PSME4: variants seen among roughly 807,000 people sequenced by gnomAD.
PSME4 encodes proteasome activator complex subunit 4.
PSME4 carries 89 observed loss-of-function variants against 253.9 expected under a neutral mutation model. That is an observed-to-expected ratio of 0.35 (90% CI 0.30 to 0.42). The LOEUF (loss-of-function observed/expected upper bound fraction) is 0.42, where lower values mean the gene tolerates loss of function less well. Among genes scored for constraint, PSME4 ranks in the 10% least tolerant of loss-of-function variants. The pLI is 1.00. For missense variants in PSME4, 2,014 were observed against 2,195.2 expected, an observed-to-expected ratio of 0.92 and a Z score of 1.65; for synonymous variants, 851 against 759.2, an observed-to-expected ratio of 1.12 and a Z score of -1.99.
Position 53,874,622 on chromosome 2 carries a change from C to T in PSME4, c.4945-128G>A, listed in dbSNP as rs1469636571. 5.2e-6 allele frequency: 5 copies of T among 957,492 alleles called. No individual in the cohort carries two copies. The Admixed American group carries it at 1.4e-4, about 27-fold the overall frequency. 59.3% of individuals were successfully genotyped at this position (957,492 alleles called of 1,614,324 possible). A position where few individuals can be genotyped will look rare whatever the true frequency, so the allele number is the denominator to read the frequency against. On this transcript the variant is annotated intron_variant, in intron 42 of 46. Coordinates refer to ENST00000404125, the MANE Select transcript of PSME4 (RefSeq NM_014614.3). ...TCTATTTACACAGGTATAGTTAGGA[C>T]AAGCTCATATTTCGTTATAAATAAA...
chr2:53,902,827 A>T (rs1248291787), intron 27 of PSME4, among the ~76,000 whole-genome samples: 3 of 152,228 alleles, frequency 2.0e-5, no homozygotes, highest in African/African-American at 2.4e-5. Flanking sequence ...AAGAAGTTTT[A>T]AAAAAGCAAG....
chr2:53,939,296 A>G (rs1053834244), intron 4 of PSME4, among the ~76,000 whole-genome samples: 1 of 152,224 alleles, frequency 6.6e-6, no homozygotes, highest in Non-Finnish European at 1.5e-5. Context: ...CATATCATCT[A>G]AACAGTCTTA....
intron 26 of PSME4, among the ~76,000 whole-genome samples, chr2:53,905,663 G>C (rs1466218831): frequency 6.6e-6 from 1 of 152,114 alleles, no homozygotes. Flanking sequence ...CAAGACCTGA[G>C]TTCATGGTGA....
intron 3 of PSME4, among the ~76,000 whole-genome samples, chr2:53,946,526 T>C (rs1208704564): frequency 1.3e-5 from 2 of 152,230 alleles, no homozygotes; most frequent in African/African-American, 4.8e-5. Context: ...GTATAGGTCA[T>C]GGTCCCTGTG....
At chr2:53,921,653 G>A (rs1271246610) in intron 17 of PSME4, among the ~76,000 whole-genome samples, 1 of 143,684 alleles carries the variant, frequency 7.0e-6, no homozygotes, top group Non-Finnish European at 1.5e-5. Context: ...CGGATCACGA[G>A]GTCAGGAGAT....
At position 53,970,751 on chromosome 2, in the gene PSME4, G is replaced by T; in HGVS notation, c.34C>A (p.Pro12Thr). 1 of 1,544,986 alleles carries T rather than the reference G, an allele frequency of 6.5e-7. No homozygotes were observed. The change falls in exon 1 of 47, where the codon CCC becomes ACC. Residue 12 changes from proline (P) to threonine (T), a missense_variant. By Grantham distance (38) the Pro-to-Thr change is conservative (BLOSUM62 -1). Coordinates refer to ENST00000404125, the MANE Select transcript of PSME4 (RefSeq NM_014614.3). ...EPAERAGVGE[P>T]PEPGGRPEPG... The stretch of plus-strand genomic sequence containing the variant: ...TCGGGACGCCCGCCCGGCTCCGGGG[G>T]CTCTCCGACTCCCGCCCGCTCGGCC...
chr2:53,952,218 G>A (rs1015155551), intron 1 of PSME4, among the ~76,000 whole-genome samples: 4 of 151,974 alleles, frequency 2.6e-5, no homozygotes, highest in Admixed American at 6.6e-5. Flanking sequence ...GGCAGATCAC[G>A]TGAGATTAGG....
intron 42 of PSME4, 81 bp downstream of exon 42, chr2:53,875,546 G>A: frequency 7.5e-7 from 1 of 1,341,356 alleles, no homozygotes; most frequent in Non-Finnish European, 1.0e-6. Flanking sequence ...TAGGCGCTGT[G>A]TGCACTGCAG....
rs566104461 is a variant in PSME4, at chr2:53,922,729, C to T, written c.1979-145G>A. On this transcript the variant is annotated intron_variant, in intron 16 of 46. Transcript: ENST00000404125. ...TTTATTTCTTCTTCATGAAGCTGAG[C>T]TTGTTCCAAAAGGAGGTAGAAACAG... is the stretch of plus-strand genomic sequence containing the variant. 1.2e-4 allele frequency: 130 copies of T among 1,104,506 alleles called. No individual in the cohort carries two copies. In the African/African-American group the frequency reaches 2.0e-3, roughly 17 times the overall value. 68.4% of individuals were successfully genotyped at this position (1,104,506 alleles called of 1,614,324 possible). A position where few individuals can be genotyped will look rare whatever the true frequency, so the allele number is the denominator to read the frequency against.
At chr2:53,935,901 T>TG (rs1442524402) in intron 7 of PSME4, among the ~76,000 whole-genome samples, 186 bp downstream of exon 7, 1 of 152,062 alleles carries the variant, frequency 6.6e-6, no homozygotes, top group Non-Finnish European at 1.5e-5. Context: ...CAAAATGTTT[T>TG]TTTTTTTTTC....
intron 20 of PSME4, among the ~76,000 whole-genome samples, chr2:53,917,466 T>C (rs1394781300): frequency 6.6e-6 from 1 of 152,184 alleles, no homozygotes; most frequent in African/African-American, 2.4e-5. Flanking sequence ...TTTGCTTCAA[T>C]TCACTATTAC....
intron 3 of PSME4, among the ~76,000 whole-genome samples, chr2:53,944,489 T>G (rs1030079352): frequency 6.6e-6 from 1 of 152,116 alleles, no homozygotes; most frequent in Non-Finnish European, 1.5e-5. Context: ...AATTTCCAAA[T>G]AAAAGAATAT....
At position 53,936,846 on chromosome 2, in the gene PSME4, G is replaced by T. The variant is rs1261829928; in HGVS notation, c.696-19C>A. The T allele has an allele frequency of 1.9e-6, 3 of 1,541,852 alleles. No homozygotes were observed. Among genetic ancestry groups the T allele is most frequent in the South Asian group, 2.4e-5 (2 of 84,056 alleles). ...CCAAAGTCTAAAGAAGAAAAATGTT[G>T]TTATGAATAGCAAGTGATTTTAAAG... On this transcript the variant is annotated intron_variant, in intron 5 of 46. Coordinates refer to ENST00000404125, the MANE Select transcript of PSME4 (RefSeq NM_014614.3).
At chr2:53,882,484 T>C (rs145602544) in intron 41 of PSME4, among the ~76,000 whole-genome samples, 1 of 152,310 alleles carries the variant, frequency 6.6e-6, no homozygotes, top group Non-Finnish European at 1.5e-5. Flanking sequence ...TATTAACTCG[T>C]ATAATCCTCG....
chr2:53,864,117 T>A lies in PSME4; in HGVS notation c.*1461A>T, dbSNP rs931223215. ...TTTTAAACTAGTTACACAACTGAAA[T>A]CAGTTTGGCACTACTTTATACAGGG... On this transcript the variant is annotated 3_prime_UTR_variant, in exon 47 of 47. Transcript: ENST00000404125. The A allele has an allele frequency of 3.3e-5, 5 of 152,202 alleles. No homozygotes were observed. The highest frequency in any genetic ancestry group is 1.2e-4 in the African/African-American group (5 of 41,440). The allele number at this position is 152,202 out of a possible 1,614,324, so 9.4% of individuals were successfully genotyped here. A position where few individuals can be genotyped will look rare whatever the true frequency, so the allele number is the denominator to read the frequency against.
rs1029779056 is a variant in PSME4 at position 53,911,698 on chromosome 2, T to C, written c.2517-1568A>G. ...CACTTAGTTTTCTGAAGTAGAAATA[T>C]ACAGTCTGCAGCTTATGCAGTCTGT... On this transcript the variant is annotated intron_variant, in intron 20 of 46. Transcript: ENST00000404125. 2.6e-5 allele frequency among the ~76,000 whole-genome samples: 4 copies of C among 152,128 alleles called. No homozygotes were observed. In the South Asian group the frequency reaches 6.2e-4, roughly 24 times the overall value.
chr2:53,969,226 T>A (rs1368222083), intron 1 of PSME4, among the ~76,000 whole-genome samples: 1 of 152,214 alleles, frequency 6.6e-6, no homozygotes, highest in East Asian at 1.9e-4. Context: ...CTAAGGATCC[T>A]AACACGAAAA....
chr2:53,895,710 T>C lies in PSME4; in HGVS notation c.3715A>G (p.Ile1239Val). 3.1e-6 allele frequency: 5 copies of C among 1,611,806 alleles called. No homozygotes were observed. Among genetic ancestry groups the C allele is most frequent in the Non-Finnish European group, 4.2e-6 (5 of 1,179,332 alleles). Residue 1239 changes from isoleucine to valine, a missense_variant, in exon 33 of 47, where the codon ATT (isoleucine) becomes GTT (valine). Ile to Val is a conservative substitution (Grantham distance 29, BLOSUM62 3). Around this residue, in one of 4 missense-constraint regions of PSME4, gnomAD observed 989 missense variants for 1,021.1 expected, o/e 0.97. Transcript: ENST00000404125. ...TGATTATCAGGCCTATCACCAGCAA[T>C]AATTTGGGTGGGTTTAGGGCATCCA... ...ISGCPKPTQIIAGDRPDNHWL... is the reference protein window; with the variant it reads ...ISGCPKPTQIVAGDRPDNHWL...
Position 53,940,998 on chromosome 2 carries a change from T to TATATATGA in PSME4, c.501-999_501-998insTCATATAT, listed in dbSNP as rs1553338492. Among the ~76,000 whole-genome samples the TATATATGA allele has an allele frequency of 2.0e-3, 173 of 85,884 alleles. 20 individuals are homozygous for TATATATGA. Among genetic ancestry groups the TATATATGA allele is most frequent in the Non-Finnish European group, 3.1e-3 (125 of 40,426 alleles). The allele number at this position is 85,884 out of a possible 152,430, so 56.3% of individuals were successfully genotyped here. A position where few individuals can be genotyped will look rare whatever the true frequency, so the allele number is the denominator to read the frequency against. ...ATATATATATATATATATATATATA[T>TATATATGA]ATGAAAGGAGTAAGTTTCAGGCAAT... On this transcript the variant is annotated intron_variant, in intron 3 of 46. Coordinates refer to ENST00000404125, the MANE Select transcript of PSME4 (RefSeq NM_014614.3).
Sources: allele counts gnomAD v4.1 joint callset (sites outside exome capture counted in the v4.1 genomes callset), GRCh38; gene constraint gnomAD v4.1.1; regional missense constraint gnomAD v4.1.1; transcripts MANE v1.5; gene names NCBI Gene and HGNC (gene_info 2026-07-23, HGNC 2026-07-21).